GREB1L: variants seen among roughly 807,000 people sequenced by gnomAD.
GREB1L encodes GREB1 like retinoic acid receptor coactivator, also known as GREB1-like protein.
GREB1L carries 17 observed loss-of-function variants against 200.8 expected under a neutral mutation model. That is an observed-to-expected ratio of 0.08 (90% CI 0.06 to 0.13). GREB1L has a LOEUF of 0.13. Ranked by LOEUF, GREB1L falls within the 10% of genes least tolerant of loss-of-function variation. The pLI is 1.00. For missense variants in GREB1L, 1,657 were observed against 2,367.7 expected, an observed-to-expected ratio of 0.70 and a Z score of 6.23; for synonymous variants, 789 against 893.0, an observed-to-expected ratio of 0.88 and a Z score of 2.08.
chr18:21,330,862 G>GT lies in GREB1L; in HGVS notation c.-119-35164dup, dbSNP rs1436896230. Among the ~76,000 whole-genome samples the GT allele has an allele frequency of 9.9e-5, 15 of 152,172 alleles. No individual in the cohort carries two copies. In the East Asian group the frequency reaches 1.9e-3, roughly 20 times the overall value. On this transcript the variant is annotated intron_variant, in intron 1 of 32. Coordinates refer to ENST00000424526, the MANE Select transcript of GREB1L (RefSeq NM_001142966.3). ...CCCGACCTAGATAGCATTAATGGAG[G>GT]TAAAAAGCACTGAGTGACTGTTAGA...
chr18:21,318,445 A>T (rs2038905660), intron 1 of GREB1L, among the ~76,000 whole-genome samples: 1 of 152,026 alleles, frequency 6.6e-6, no homozygotes, highest in African/African-American at 2.4e-5. Context: ...AATTCTTTTC[A>T]TTATGTGCCT....
At chr18:21,382,248 G>A (rs1279427350) in intron 2 of GREB1L, among the ~76,000 whole-genome samples, 1 of 151,960 alleles carries the variant, frequency 6.6e-6, no homozygotes, top group Non-Finnish European at 1.5e-5. Flanking sequence ...GGGAGGCTGA[G>A]GAGAGTTGCT....
chr18:21,390,437 G>A (rs1343433897), intron 4 of GREB1L, among the ~76,000 whole-genome samples: 1 of 152,176 alleles, frequency 6.6e-6, no homozygotes, highest in East Asian at 1.9e-4. Context: ...TATGGAGGTG[G>A]AAGAGTGATA....
intron 31 of GREB1L, among the ~76,000 whole-genome samples, chr18:21,518,640 T>C (rs2037507526): frequency 6.6e-6 from 1 of 152,222 alleles, no homozygotes; most frequent in Admixed American, 6.5e-5. Context: ...GTGTGAGTTC[T>C]TCAAAGACAT....
chr18:21,415,418 A>G (rs1305013301), intron 7 of GREB1L, among the ~76,000 whole-genome samples: 6 of 152,100 alleles, frequency 3.9e-5, no homozygotes, highest in Admixed American at 3.9e-4. Flanking sequence ...CTGGAGTCTG[A>G]AGCAGTAGGA....
intron 1 of GREB1L, among the ~76,000 whole-genome samples, chr18:21,347,698 C>T (rs2039368449): frequency 6.6e-6 from 1 of 151,286 alleles, no homozygotes; most frequent in South Asian, 2.1e-4. Flanking sequence ...CTCAGGTGAT[C>T]CACCCATCTC....
intron 1 of GREB1L, among the ~76,000 whole-genome samples, chr18:21,335,895 C>T (rs1345549146): frequency 6.6e-6 from 1 of 152,036 alleles, no homozygotes; most frequent in Admixed American, 6.6e-5. Context: ...GATCTCCTGA[C>T]CTCGTGATCC....
intron 1 of GREB1L, among the ~76,000 whole-genome samples, chr18:21,261,345 A>T (rs1368519466): frequency 6.6e-6 from 1 of 152,080 alleles, no homozygotes; most frequent in Admixed American, 6.6e-5. Flanking sequence ...TCTTTAAAAC[A>T]GGTCAAGATT....
chr18:21,423,629 G>A (rs2032334358), intron 7 of GREB1L, among the ~76,000 whole-genome samples: 1 of 152,184 alleles, frequency 6.6e-6, no homozygotes. Flanking sequence ...GGAGGCCAAG[G>A]CAGGAGGATC....
At chr18:21,487,317 CTG>C (rs1479183667) in intron 18 of GREB1L, among the ~76,000 whole-genome samples, 1 of 152,238 alleles carries the variant, frequency 6.6e-6, no homozygotes, top group African/African-American at 2.4e-5. Context: ...ATTGGAGAAA[CTG>C]TGCACTTCTG....
intron 7 of GREB1L, among the ~76,000 whole-genome samples, chr18:21,431,305 G>A (rs1341258632): frequency 3.9e-5 from 6 of 152,140 alleles, no homozygotes; most frequent in Admixed American, 2.0e-4. Flanking sequence ...AATTACAGGC[G>A]TCAGCCACCG....
At chr18:21,302,024 A>C (rs754666297) in intron 1 of GREB1L, among the ~76,000 whole-genome samples, 14 of 152,254 alleles carry the variant, frequency 9.2e-5, no homozygotes, top group Non-Finnish European at 1.8e-4. Flanking sequence ...CATACTTTTG[A>C]CAGCATTTAC....
chr18:21,403,524 T>C (rs532789929), intron 6 of GREB1L, among the ~76,000 whole-genome samples: 3 of 152,346 alleles, frequency 2.0e-5, no homozygotes, highest in East Asian at 3.9e-4. Flanking sequence ...TTAACTGGTA[T>C]TGAAAGGCCT....
chr18:21,376,426 GAA>G (rs568483529), intron 2 of GREB1L, among the ~76,000 whole-genome samples: 2 of 99,522 alleles, frequency 2.0e-5, no homozygotes, highest in Admixed American at 1.0e-4. Flanking sequence ...CTATTTTTAA[GAA>G]AAAAAAAAAA....
intron 23 of GREB1L, among the ~76,000 whole-genome samples, chr18:21,500,873 A>C (rs1195468568): frequency 1.3e-5 from 2 of 152,148 alleles, no homozygotes; most frequent in African/African-American, 4.8e-5. Context: ...GTTCAAGACC[A>C]GCCTGGGCAA....
At chr18:21,413,100 T>A (rs1290450811) in intron 7 of GREB1L, among the ~76,000 whole-genome samples, 1 of 152,196 alleles carries the variant, frequency 6.6e-6, no homozygotes, top group Non-Finnish European at 1.5e-5. Context: ...ACACTTTTCC[T>A]TCCCCGTCCT....
chr18:21,310,062 T>C (rs1203563185), intron 1 of GREB1L, among the ~76,000 whole-genome samples: 1 of 152,222 alleles, frequency 6.6e-6, no homozygotes, highest in Non-Finnish European at 1.5e-5. Context: ...AGTTGAGCAC[T>C]GGAAATGTGG....
chr18:21,371,245 C>T (rs1283199186), intron 2 of GREB1L, among the ~76,000 whole-genome samples: 2 of 152,038 alleles, frequency 1.3e-5, no homozygotes, highest in African/African-American at 4.8e-5. Context: ...TTCTTTTGGG[C>T]AGTGCTGTTC....
At chr18:21,416,693 C>CAAA (rs1366578660) in intron 7 of GREB1L, among the ~76,000 whole-genome samples, 3 of 114,914 alleles carry the variant, frequency 2.6e-5, no homozygotes, top group Admixed American at 8.8e-5. Flanking sequence ...AACTCCATCT[C>CAAA]AAAAAAAAAA....
Sources: allele counts gnomAD v4.1 joint callset (sites outside exome capture counted in the v4.1 genomes callset), GRCh38; gene constraint gnomAD v4.1.1; transcripts MANE v1.5; gene names NCBI Gene and HGNC (gene_info 2026-07-23, HGNC 2026-07-21).